The following SYT16 variants were observed in gnomAD, a reference collection of about 807,000 sequenced individuals.
SYT16 encodes the protein synaptotagmin 16.
Under a neutral mutation model 61.4 loss-of-function variants are expected in SYT16, and 42 were observed. The observed-to-expected ratio is 0.68, with a 90% CI of 0.53 to 0.89. The LOEUF (loss-of-function observed/expected upper bound fraction) is 0.89, where lower values mean the gene tolerates loss of function less well. Among genes scored for constraint, SYT16 ranks in the 40% least tolerant of loss-of-function variants. The probability of loss-of-function intolerance (pLI) is 0.00; values close to 1 mark genes in which losing one functional copy is unlikely to be tolerated. For missense variants in SYT16, 804 were observed against 807.3 expected (o/e 1.00, Z 0.05); for synonymous variants, 314 against 302.3 (o/e 1.04, Z -0.40).
At chr14:61,925,995 G>A (rs1334617459) in intron 1 of SYT16, among the ~76,000 whole-genome samples, 1 of 152,144 alleles carries the variant, frequency 6.6e-6, no homozygotes, top group Non-Finnish European at 1.5e-5. Context: ...CTTAAACCTG[G>A]CTGTATGTCT....
chr14:62,011,481 G>A (rs920582305), intron 3 of SYT16, among the ~76,000 whole-genome samples: 1 of 152,156 alleles, frequency 6.6e-6, no homozygotes, highest in African/African-American at 2.4e-5. Flanking sequence ...TAAATTATGT[G>A]ACAAACTTTA....
In SYT16 at chr14:62,080,985, G is replaced by A. The variant is rs766604821; in HGVS notation, c.1145G>A (p.Arg382Gln). ...VRAQGLPDKD[R>Q]SGVNSWQVHV... ...GCACAGGGCCTCCCAGATAAGGACC[G>A]AAGTGGTGTCAACTCCTGGCAAGTT... is the stretch of plus-strand genomic sequence containing the variant. Residue 382 changes from arginine to glutamine, a missense_variant, in exon 6 of 8, where the codon CGA becomes CAA. By Grantham distance (43) the Arg-to-Gln change is conservative (BLOSUM62 1). Transcript: ENST00000683842. 8.1e-6 allele frequency: 13 copies of A among 1,613,014 alleles called. No homozygotes were observed. The highest frequency in any genetic ancestry group is 2.2e-5 in the East Asian group (1 of 44,870).
At position 61,881,061 on chromosome 14, in the gene SYT16, C is replaced by T. The variant is rs192748367; in HGVS notation, c.-325+68251C>T. Among the ~76,000 whole-genome samples the T allele has an allele frequency of 7.8e-4, 118 of 152,172 alleles. 2 individuals are homozygous for T. The East Asian group carries it at 0.021, about 27-fold the overall frequency. On this transcript the variant is annotated intron_variant, in intron 1 of 7. Transcript: ENST00000683842. ...GAACATTATTTGCATCCATGAAGCC[C>T]CCCTGGTGCTCTCTTCCATCACTAC...
intron 3 of SYT16, among the ~76,000 whole-genome samples, chr14:62,044,248 G>A (rs560055054): frequency 6.6e-6 from 1 of 151,788 alleles, no homozygotes; most frequent in East Asian, 1.9e-4. Context: ...GTATTCCTGG[G>A]ATTCAAAACT....
chr14:62,048,283 T>C (rs1214199176), intron 3 of SYT16, among the ~76,000 whole-genome samples: 2 of 152,264 alleles, frequency 1.3e-5, no homozygotes, highest in Non-Finnish European at 2.9e-5. Flanking sequence ...TATAGTATTC[T>C]CTGATGGTAT....
Position 61,896,103 on chromosome 14 carries a change from C to T in SYT16, c.-324-74029C>T, listed in dbSNP as rs148995986. Among the ~76,000 whole-genome samples the T allele has an allele frequency of 1.5e-4, 22 of 150,278 alleles. 1 individual carries two copies. Among genetic ancestry groups the T allele is most frequent in the African/African-American group, 2.7e-4 (11 of 40,824 alleles). Reference sequence around the variant, plus strand: ...TTTTTTTTTTTTGGAACTTGGTGGGCGTGGGGGATGGGATGGGTAGAAACC... The same window carrying T: ...TTTTTTTTTTTTGGAACTTGGTGGGTGTGGGGGATGGGATGGGTAGAAACC... On this transcript the variant is annotated intron_variant, in intron 1 of 7. Coordinates refer to ENST00000683842, the MANE Select transcript of SYT16 (RefSeq NM_001367656.1).
chr14:61,911,596 A>C (rs527870954), intron 1 of SYT16, among the ~76,000 whole-genome samples: 3 of 152,370 alleles, frequency 2.0e-5, no homozygotes, highest in Middle Eastern at 3.4e-3. Flanking sequence ...TATGTGTTTA[A>C]GAAAAAGCTG....
chr14:61,893,617 A>C (rs531476963), intron 1 of SYT16, among the ~76,000 whole-genome samples: 1 of 152,330 alleles, frequency 6.6e-6, no homozygotes, highest in East Asian at 1.9e-4. Flanking sequence ...TTTTAGCTGT[A>C]ATTTTACTTA....
chr14:61,865,147 C>A, intron 1 of SYT16: 2 of 1,251,344 alleles, frequency 1.6e-6, no homozygotes, highest in African/African-American at 1.5e-5. Flanking sequence ...CCGATAAATG[C>A]CGCTCCCTGC....
chr14:61,981,029 C>A (rs942931602), intron 2 of SYT16, among the ~76,000 whole-genome samples: 31 of 152,084 alleles, frequency 2.0e-4, no homozygotes, highest in African/African-American at 6.7e-4. Flanking sequence ...TGGAAGCTGG[C>A]AAGTGTTAAA....
intron 1 of SYT16, among the ~76,000 whole-genome samples, chr14:61,939,944 G>A (rs144994459): frequency 6.3e-4 from 96 of 152,258 alleles, no homozygotes; most frequent in African/African-American, 2.0e-3. Flanking sequence ...AATTTAGGCT[G>A]ATGTCATCTG....
chr14:61,849,421 T>G (rs1404194574), intron 1 of SYT16, among the ~76,000 whole-genome samples: 1 of 152,136 alleles, frequency 6.6e-6, no homozygotes, highest in Non-Finnish European at 1.5e-5. Context: ...GTGGCATAGA[T>G]TGCCTTTCAA....
At chr14:62,021,858 T>C (rs1039548982) in intron 3 of SYT16, among the ~76,000 whole-genome samples, 1 of 152,230 alleles carries the variant, frequency 6.6e-6, no homozygotes, top group Non-Finnish European at 1.5e-5. Flanking sequence ...AACTTTTAGC[T>C]GAAATTCTTC....
At chr14:62,084,600 G>A (rs1230985003) in intron 7 of SYT16, among the ~76,000 whole-genome samples, 1 of 152,292 alleles carries the variant, frequency 6.6e-6, no homozygotes, top group Non-Finnish European at 1.5e-5. Flanking sequence ...GAAATAGACT[G>A]GCCTGTGTGT....
intron 1 of SYT16, among the ~76,000 whole-genome samples, chr14:61,863,276 C>T (rs2047022317): frequency 6.7e-6 from 1 of 148,778 alleles, no homozygotes; most frequent in Admixed American, 6.7e-5. Flanking sequence ...GCAACCTCTC[C>T]AGCATTTGGT....
chr14:61,832,393 G>A (rs533852637), intron 1 of SYT16: 41 of 531,810 alleles, frequency 7.7e-5, no homozygotes, highest in South Asian at 5.7e-4. Flanking sequence ...CCCCACCACC[G>A]CCGCCCTCTA....
chr14:62,074,433 T>G (rs1027675927), intron 4 of SYT16, among the ~76,000 whole-genome samples: 2 of 151,830 alleles, frequency 1.3e-5, no homozygotes, highest in Non-Finnish European at 2.9e-5. Context: ...CAGTGGAAAA[T>G]GGGGTTGGAT....
At chr14:62,039,739 C>G (rs2054642362) in intron 3 of SYT16, among the ~76,000 whole-genome samples, 1 of 151,862 alleles carries the variant, frequency 6.6e-6, no homozygotes, top group South Asian at 2.1e-4. Flanking sequence ...ACAGAGATCT[C>G]TGAACTCTCA....
chr14:61,942,932 T>G (rs934956204), intron 1 of SYT16, among the ~76,000 whole-genome samples: 11 of 152,168 alleles, frequency 7.2e-5, no homozygotes, highest in African/African-American at 2.6e-4. Flanking sequence ...AAAAAATCAA[T>G]GAATCCAGGA....
Sources: gnomAD v4.1 joint callset for allele counts (sites outside exome capture counted in the v4.1 genomes callset) on GRCh38, gnomAD v4.1.1 for gene constraint, MANE v1.5 for transcripts, NCBI Gene and HGNC (gene_info 2026-07-23, HGNC 2026-07-21) for gene names.